The following RASAL1 variants were observed in gnomAD, a reference collection of about 807,000 sequenced individuals.
RASAL1 encodes RAS protein activator like 1.
RASAL1 carries 72 observed loss-of-function variants against 96.6 expected under a neutral mutation model. That is an observed-to-expected ratio of 0.75 (90% CI 0.62 to 0.91). The LOEUF (loss-of-function observed/expected upper bound fraction) is 0.91. Among genes scored for constraint, RASAL1 ranks in the 40% least tolerant of loss-of-function variants. The probability of loss-of-function intolerance (pLI) is 0.00; values close to 1 mark genes in which losing one functional copy is unlikely to be tolerated. For synonymous variants in RASAL1, 405 were observed against 430.4 expected (o/e 0.94, Z 0.73); for missense variants, 1,016 against 1,072.5 (o/e 0.95, Z 0.74).
chr12:113,132,198 C>G (rs963582908), intron 1 of RASAL1, among the ~76,000 whole-genome samples: 1 of 152,092 alleles, frequency 6.6e-6, no homozygotes, highest in Non-Finnish European at 1.5e-5. Flanking sequence ...GACTCCAACT[C>G]CTGGCCTCCA....
At chr12:113,128,512 C>CACAG (rs33988430) in intron 2 of RASAL1, among the ~76,000 whole-genome samples, 4,438 of 151,414 alleles carry the variant, frequency 0.029, 97 homozygotes, top group African/African-American at 0.06. Flanking sequence ...CACACACACA[C>CACAG]AGAGGCACAT....
At position 113,114,840 on chromosome 12, in the gene RASAL1, T is replaced by G. The variant is rs1447012256; in HGVS notation, c.1141A>C (p.Met381Leu). Residue 381 changes from methionine to leucine, a missense_variant, in exon 12 of 21, where the codon ATG becomes CTG. Coordinates refer to ENST00000548055, the MANE Select transcript of RASAL1 (RefSeq NM_001301202.2). ...ISRVFEEKKY[M>L]ELDPCKMDLG... The stretch of plus-strand genomic sequence containing the variant: ...TCCATCTTGCAGGGATCCAGCTCCA[T>G]GTACTTCTTCTCCTCAAAGACACGG... 6.2e-7 allele frequency: 1 copy of G among 1,614,122 alleles called. No homozygotes were observed. The highest frequency in any genetic ancestry group is 1.7e-5 in the Admixed American group (1 of 60,020).
At chr12:113,118,961 G>A (rs1951185049) in intron 7 of RASAL1, among the ~76,000 whole-genome samples, 167 bp downstream of exon 7, 1 of 152,186 alleles carries the variant, frequency 6.6e-6, no homozygotes, top group South Asian at 2.1e-4. Flanking sequence ...TTCCTCACCT[G>A]TACAACAGAG....
Position 113,115,660 on chromosome 12 carries a change from G to A in RASAL1, c.978C>T (p.Leu326=). The change falls in exon 10 of 21, where the codon CTC becomes CTT. Residue 326 remains leucine (L), a synonymous_variant. Transcript: ENST00000548055. The surrounding 1 kb of genome is among the most constrained non-coding windows in gnomAD (Gnocchi z 4.1). The stretch of plus-strand genomic sequence containing the variant: ...TGGTCCGAGCCACCTCACGCCGGGT[G>A]AGATAGTCCAGAAAGCGCCCAGCCA... ...RGLAGRFLDY[L]TRREVARTMD... is the part of the protein sequence containing the mutation. 1 of 1,613,818 alleles carries A rather than the reference G, an allele frequency of 6.2e-7. No homozygotes were observed. The highest frequency in any genetic ancestry group is 8.5e-7 in the Non-Finnish European group (1 of 1,180,018).
chr12:113,121,524 T>TGGCAGCGAA lies in RASAL1; in HGVS notation c.404_412dup (p.Leu135_Cys137dup). On this transcript the variant is annotated inframe_insertion, in exon 5 of 21. Transcript: ENST00000548055. ...TTAAGCATACCTGGCCTGAAGCACA[T>TGGCAGCGAA]GGCAGCGAAGGCAGCGGCCCTGCCC... The TGGCAGCGAA allele has an allele frequency of 6.2e-7, 1 of 1,614,166 alleles. No individual in the cohort carries two copies. The highest frequency in any genetic ancestry group is 8.5e-7 in the Non-Finnish European group (1 of 1,180,028).
In RASAL1 at chr12:113,112,812, C is replaced by T. The variant is rs181083260; in HGVS notation, c.1182-534G>A. On this transcript the variant is annotated intron_variant, in intron 12 of 20. Coordinates refer to ENST00000548055, the MANE Select transcript of RASAL1 (RefSeq NM_001301202.2). Reference sequence around the variant, plus strand: ...CCAAAAAATACAAAAATTAGCCCAGCGTGGTGGTGCACGCCTATAATCTCA... The same window carrying T: ...CCAAAAAATACAAAAATTAGCCCAGTGTGGTGGTGCACGCCTATAATCTCA... 5.1e-3 allele frequency among the ~76,000 whole-genome samples: 769 copies of T among 152,200 alleles called. 5 individuals carry two copies. The highest frequency in any genetic ancestry group is 0.018 in the African/African-American group (740 of 41,524).
chr12:113,126,184 C>T lies in RASAL1; in HGVS notation c.298+1628G>A, dbSNP rs554798636. Among the ~76,000 whole-genome samples, 18 of 152,128 alleles carry T rather than the reference C, an allele frequency of 1.2e-4. No individual in the cohort carries two copies. The East Asian group carries it at 3.5e-3, about 29-fold the overall frequency. On this transcript the variant is annotated intron_variant, in intron 4 of 20. Transcript: ENST00000548055. Reference sequence around the variant, plus strand: ...CCTGTAATCCCAGTTACTCAGGAGGCCAAGGCAGGAGAATTGCTTGAGCCC... The same window carrying T: ...CCTGTAATCCCAGTTACTCAGGAGGTCAAGGCAGGAGAATTGCTTGAGCCC...
chr12:113,131,379 C>T (rs11830567), intron 1 of RASAL1, among the ~76,000 whole-genome samples: 1 of 151,972 alleles, frequency 6.6e-6, no homozygotes, highest in Non-Finnish European at 1.5e-5. Flanking sequence ...CATACACCTC[C>T]TAGGGGGCTG....
chr12:113,115,232 G>A lies in RASAL1; in HGVS notation c.1036C>T (p.Leu346=). ...AACTGTTCCATCGACTTGGATGCCA[G>A]GGAGTTAGAACGGAAGAGGGTGTTG... The part of the protein sequence containing the change: ...DPNTLFRSNS[L]ASKSMEQFMK... The change falls in exon 11 of 21, where the codon CTG becomes TTG. Residue 346 remains leucine, a synonymous_variant. Coordinates refer to ENST00000548055, the MANE Select transcript of RASAL1 (RefSeq NM_001301202.2). The surrounding 1 kb of genome is among the most constrained non-coding windows in gnomAD (Gnocchi z 4.1). The A allele has an allele frequency of 6.2e-7, 1 of 1,614,020 alleles. No homozygotes were observed. Among genetic ancestry groups the A allele is most frequent in the African/African-American group, 1.3e-5 (1 of 75,058 alleles).
At chr12:113,135,827 C>T (rs1410437712), upstream of RASAL1, 3 of 199,782 alleles carry the variant, frequency 1.5e-5, no homozygotes, top group Non-Finnish European at 3.1e-5. The surrounding 1 kb of genome is among the most constrained non-coding windows in gnomAD (Gnocchi z 5.7). Flanking sequence ...GGGTCCCCCA[C>T]CTGACCCCGG....
chr12:113,103,247 ATGTTATACATTGTAATACAT>A (rs1325755396), intron 18 of RASAL1: 4 of 150,788 alleles, frequency 2.7e-5, no homozygotes, highest in Non-Finnish European at 2.9e-5. Flanking sequence ...ATTATTTACA[ATGTTATACATTGTAATACAT>A]TGTTATACAT....
chr12:113,099,700 C>T lies in RASAL1; in HGVS notation c.*229G>A. On this transcript the variant is annotated 3_prime_UTR_variant, in exon 21 of 21. Coordinates refer to ENST00000548055, the MANE Select transcript of RASAL1 (RefSeq NM_001301202.2). ...GGTTCCTTATCCTATCCACTCCAGT[C>T]TGAATCAAGCCAGAGGGCAAGTTTC... 2.1e-6 allele frequency: 1 copy of T among 469,190 alleles called. No homozygotes were observed. Among genetic ancestry groups the T allele is most frequent in the Non-Finnish European group, 3.6e-6 (1 of 276,124 alleles). The allele number at this position is 469,190 out of a possible 1,614,324, so 29.1% of individuals were successfully genotyped here.
At chr12:113,101,860 G>A (rs1274808245) in intron 19 of RASAL1, 29 bp downstream of exon 19, 1 of 1,608,078 alleles carries the variant, frequency 6.2e-7, no homozygotes, top group Non-Finnish European at 8.5e-7. Flanking sequence ...GGTCATAGGA[G>A]GTGAAGTGGG....
At chr12:113,117,247 C>G in intron 7 of RASAL1, 86 bp from the exon 8 acceptor site, 1 of 997,146 alleles carries the variant, frequency 1.0e-6, no homozygotes, top group African/African-American at 1.7e-5. Context: ...CCTGGAAGAA[C>G]AGACTGCCCA....
chr12:113,108,219 C>T lies in RASAL1; in HGVS notation c.1378G>A (p.Val460Met). Residue 460 changes from valine (V) to methionine (M), a missense_variant, in exon 14 of 21, where the codon GTG (valine) becomes ATG (methionine). By Grantham distance (21) the Val-to-Met change is conservative. Transcript: ENST00000548055. ...AATCCACTGATGGCCAGGTACTTCA[C>T]ATCCTGCTGGGAGGAGCAGAAGGTA... is the stretch of plus-strand genomic sequence containing the variant. ...ERFPQAEHQD[V>M]KYLAISGFLF... 1.9e-6 allele frequency: 3 copies of T among 1,611,098 alleles called. No individual in the cohort carries two copies. The highest frequency in any genetic ancestry group is 2.2e-5 in the South Asian group (2 of 90,280).
rs890164577 is a variant in RASAL1, at chr12:113,135,210, C to T, written c.65+188G>A. ...GGGGCATCTGCTAACTCTAGGCGCC[C>T]CCCTCCCACCGGGACAGCCATGGGC... is the stretch of plus-strand genomic sequence containing the variant. On this transcript the variant is annotated intron_variant, in intron 1 of 20. Coordinates refer to ENST00000548055, the MANE Select transcript of RASAL1 (RefSeq NM_001301202.2). This position sits in a 1 kb window ranked among gnomAD's most constrained non-coding sequence, Gnocchi z 5.7. 6.6e-6 allele frequency among the ~76,000 whole-genome samples: 1 copy of T among 152,146 alleles called. No homozygotes were observed. The highest frequency in any genetic ancestry group is 1.5e-5 in the Non-Finnish European group (1 of 68,012).
At chr12:113,127,768 C>T in intron 4 of RASAL1, 44 bp downstream of exon 4, 1 of 1,563,200 alleles carries the variant, frequency 6.4e-7, no homozygotes, top group Non-Finnish European at 8.8e-7. Context: ...AATGCCCACC[C>T]TGGGCATGGC....
At chr12:113,114,728 C>G in intron 12 of RASAL1, 72 bp downstream of exon 12, 9 of 1,351,726 alleles carry the variant, frequency 6.7e-6, no homozygotes, top group South Asian at 1.2e-5. Flanking sequence ...CAGCATGAAC[C>G]CAGCCCCCAG....
chr12:113,130,816 G>T lies in RASAL1; in HGVS notation c.122+69C>A. The T allele has an allele frequency of 7.5e-7, 1 of 1,333,790 alleles. No homozygotes were observed. The allele number at this position is 1,333,790 out of a possible 1,614,324, so 82.6% of individuals were successfully genotyped here. On this transcript the variant is annotated intron_variant, in intron 2 of 20. Transcript: ENST00000548055. This position sits in a 1 kb window ranked among gnomAD's most constrained non-coding sequence, Gnocchi z 5.1. ...GCACTCCTTTAAATGTGAATTCTTG[G>T]TCCCAGATTCCCCAGGTCTAGAAAG...
Sources: gnomAD v4.1 joint callset for allele counts (sites outside exome capture counted in the v4.1 genomes callset) on GRCh38, gnomAD v4.1.1 for gene constraint, Gnocchi (gnomAD v3.1) non-coding constraint, MANE v1.5 for transcripts, NCBI Gene and HGNC (gene_info 2026-07-23, HGNC 2026-07-21) for gene names.